Variants in SI observed in about 807,000 individuals in gnomAD.
The protein encoded by SI is sucrase-isomaltase, intestinal.
Under a neutral mutation model 253.3 loss-of-function variants are expected in SI, and 235 were observed. That is an observed-to-expected ratio of 0.93 (90% confidence interval 0.83 to 1.03). The LOEUF (loss-of-function observed/expected upper bound fraction) is 1.03. Ranked by LOEUF, SI falls within the 50% of genes least tolerant of loss-of-function variation. The pLI, the probability that SI is intolerant of heterozygous loss-of-function variation, is 0.00. For missense variants in SI, 2,442 were observed against 2,211.1 expected, an observed-to-expected ratio of 1.10 and a Z score of -2.09; for synonymous variants, 819 against 712.0, an observed-to-expected ratio of 1.15 and a Z score of -2.39.
chr3:165,013,947 G>A (rs145035099), intron 33 of SI, among the ~76,000 whole-genome samples: 26 of 151,932 alleles, frequency 1.7e-4, no homozygotes, highest in Admixed American at 3.9e-4. Context: ...GGTTGATCTC[G>A]AACTCCTGGG....
intron 9 of SI, 48 bp from the exon 10 acceptor site, chr3:165,060,075 T>G: frequency 6.5e-7 from 1 of 1,536,586 alleles, no homozygotes; most frequent in South Asian, 1.1e-5. Context: ...ATAAATATAT[T>G]TAGCATTAAT....
intron 37 of SI, among the ~76,000 whole-genome samples, chr3:165,000,881 A>G (rs1053509220): frequency 6.6e-6 from 1 of 151,326 alleles, no homozygotes; most frequent in Non-Finnish European, 1.5e-5. Context: ...AGAAAGAGAT[A>G]TTTTTGTTGT....
rs1717061535 is a variant in SI at position 164,979,227 on chromosome 3, C to G, written c.*135G>C. The stretch of plus-strand genomic sequence containing the variant: ...TTAGCATTATCATTGATGTACGCTA[C>G]AAAATAACTTTTCGATGTTATGAAA... On this transcript the variant is annotated 3_prime_UTR_variant, in exon 48 of 48. Coordinates refer to ENST00000264382, the MANE Select transcript of SI (RefSeq NM_001041.4). 4 of 701,338 alleles carry G rather than the reference C, an allele frequency of 5.7e-6. No individual in the cohort carries two copies. The highest frequency in any genetic ancestry group is 5.1e-5 in the East Asian group (2 of 38,916). The allele number at this position is 701,338 out of a possible 1,614,324, so 43.4% of individuals were successfully genotyped here. A position where few individuals can be genotyped will look rare whatever the true frequency, so the allele number is the denominator to read the frequency against.
chr3:165,068,638 G>C, intron 5 of SI, 84 bp downstream of exon 5: 2 of 940,178 alleles, frequency 2.1e-6, no homozygotes, highest in Non-Finnish European at 3.5e-6. Context: ...TTCCCAAAGT[G>C]CTGGTATTAC....
chr3:165,022,650 C>T (rs192159978), intron 26 of SI, among the ~76,000 whole-genome samples: 127 of 151,038 alleles, frequency 8.4e-4, no homozygotes, highest in African/African-American at 2.9e-3. Flanking sequence ...TGTGCCGTCT[C>T]GTTTCAATAA....
At chr3:165,081,291 G>A (rs9756306), upstream of SI, among the ~76,000 whole-genome samples, 47,029 of 151,734 alleles carry the variant, frequency 0.31, 7,476 homozygotes, top group Middle Eastern at 0.36. Context: ...TAAGCAAAAT[G>A]ATCCCCAAAT....
At chr3:165,011,491 T>A (rs973672652) in intron 34 of SI, among the ~76,000 whole-genome samples, 3 of 152,092 alleles carry the variant, frequency 2.0e-5, no homozygotes, top group African/African-American at 7.2e-5. Context: ...TTCTATCTTC[T>A]CACAATTTTT....
chr3:165,085,488 T>G, the SI span, among the ~76,000 whole-genome samples: 1 of 152,134 alleles, frequency 6.6e-6, no homozygotes, highest in South Asian at 2.1e-4. Flanking sequence ...CTTATTTAAC[T>G]CAAATGTTTT....
chr3:165,063,511 A>C lies in SI; in HGVS notation c.838T>G (p.Phe280Val). 1 of 1,551,192 alleles carries C rather than the reference A, an allele frequency of 6.4e-7. No homozygotes were observed. The highest frequency in any genetic ancestry group is 8.8e-7 in the Non-Finnish European group (1 of 1,130,206). The change falls in exon 8 of 48, where the codon TTC becomes GTC. Residue 280 changes from phenylalanine to valine, a missense_variant. Physicochemically the swap from Phe to Val is conservative, Grantham distance 50. Transcript: ENST00000264382. ...NNNNLYGHQT[F>V]FMCIEDTSGK... ...GATGTATCTTCAATACACATAAAGAATGTTTGATGGCCGTATAAATTATTA... is the reference window on the plus strand; with the variant it reads ...GATGTATCTTCAATACACATAAAGACTGTTTGATGGCCGTATAAATTATTA...
chr3:165,003,704 G>C (rs1447879510), intron 37 of SI, among the ~76,000 whole-genome samples: 3 of 151,984 alleles, frequency 2.0e-5, no homozygotes, highest in Admixed American at 6.6e-5. Flanking sequence ...GAACTGCCTG[G>C]AAAGTTTTAA....
Position 164,987,305 on chromosome 3 carries a change from G to T in SI, c.5109-79C>A. On this transcript the variant is annotated intron_variant, in intron 44 of 47. Transcript: ENST00000264382. ...AGTTATGATATGACATCCACATAAG[G>T]ATCTATAGGAACCCAAGCATTAAGG... is the stretch of plus-strand genomic sequence containing the variant. The T allele has an allele frequency of 6.9e-6, 8 of 1,153,740 alleles. 1 individual carries two copies. The South Asian group carries it at 8.7e-5, about 13-fold the overall frequency. The allele number at this position is 1,153,740 out of a possible 1,614,324, so 71.5% of individuals were successfully genotyped here.
At chr3:165,051,429 T>C (rs949060290) in intron 13 of SI, among the ~76,000 whole-genome samples, 2 of 152,038 alleles carry the variant, frequency 1.3e-5, no homozygotes, top group African/African-American at 2.4e-5. Flanking sequence ...TAAAGCTACA[T>C]TGAGTTATTT....
chr3:165,009,388 C>T lies in SI; in HGVS notation c.4070G>A (p.Arg1357Lys). Residue 1357 changes from arginine (R) to lysine (K), a missense_variant, in exon 35 of 48, where the codon AGA (arginine) becomes AAA (lysine). Transcript: ENST00000264382. ...GAAATCTGGGAAAGCTACATGAGCT[C>T]TGGAAGCCTGTAAAACCAAAATTTA... is the stretch of plus-strand genomic sequence containing the variant. ...LTEDEAVNAS[R>K]AHVAFPDFFR... 6.2e-7 allele frequency: 1 copy of T among 1,611,946 alleles called. No homozygotes were observed. Among genetic ancestry groups the T allele is most frequent in the Non-Finnish European group, 8.5e-7 (1 of 1,178,232 alleles).
At chr3:165,010,412 C>T (rs544537534) in intron 34 of SI, among the ~76,000 whole-genome samples, 13 of 152,126 alleles carry the variant, frequency 8.5e-5, no homozygotes, top group East Asian at 3.9e-4. Context: ...CCACACGCCT[C>T]GGCCTCCCAA....
chr3:165,033,380 A>T lies in SI; in HGVS notation c.2565+15T>A. 6.4e-7 allele frequency: 1 copy of T among 1,556,946 alleles called. No individual in the cohort carries two copies. The highest frequency in any genetic ancestry group is 8.7e-7 in the Non-Finnish European group (1 of 1,148,210). On this transcript the variant is annotated intron_variant, in intron 23 of 47. Coordinates refer to ENST00000264382, the MANE Select transcript of SI (RefSeq NM_001041.4). ...AAATTATGCATTTAAGTATATGTACAAAGAGAGTGCTTACATTAGAAACTG... is the reference window on the plus strand; with the variant it reads ...AAATTATGCATTTAAGTATATGTACTAAGAGAGTGCTTACATTAGAAACTG...
intron 40 of SI, among the ~76,000 whole-genome samples, chr3:164,996,310 T>G (rs1395442323): frequency 2.0e-5 from 3 of 151,740 alleles, no homozygotes; most frequent in Middle Eastern, 3.2e-3. Context: ...ATCATGAAAT[T>G]TAGTGCTTAT....
At chr3:165,010,536 G>A (rs1273863596) in intron 34 of SI, among the ~76,000 whole-genome samples, 2 of 152,144 alleles carry the variant, frequency 1.3e-5, no homozygotes, top group African/African-American at 4.8e-5. Context: ...TACTCATAAG[G>A]ATAGAAGGCT....
chr3:164,990,315 A>G (rs1267556538), intron 44 of SI, among the ~76,000 whole-genome samples: 1 of 152,148 alleles, frequency 6.6e-6, no homozygotes, highest in African/African-American at 2.4e-5. Flanking sequence ...CACATGTCAG[A>G]AACAGAAAAG....
At position 165,009,405 on chromosome 3, in the gene SI, C is replaced by G. The variant is rs368138240; in HGVS notation, c.4063-10G>C. On this transcript the variant is annotated splice_polypyrimidine_tract_variant and intron_variant, in intron 34 of 47. Coordinates refer to ENST00000264382, the MANE Select transcript of SI (RefSeq NM_001041.4). Reference sequence around the variant, plus strand: ...CATGAGCTCTGGAAGCCTGTAAAACCAAAATTTAGGCTCACATGTGGAAAG... The same window carrying G: ...CATGAGCTCTGGAAGCCTGTAAAACGAAAATTTAGGCTCACATGTGGAAAG... 1.3e-5 allele frequency: 20 copies of G among 1,503,622 alleles called. No individual in the cohort carries two copies. Among genetic ancestry groups the G allele is most frequent in the Non-Finnish European group, 1.9e-5 (20 of 1,079,518 alleles). 93.1% of individuals were successfully genotyped at this position (1,503,622 alleles called of 1,614,324 possible).
Sources: allele counts gnomAD v4.1 joint callset (sites outside exome capture counted in the v4.1 genomes callset), GRCh38; gene constraint gnomAD v4.1.1; transcripts MANE v1.5; gene names NCBI Gene and HGNC (gene_info 2026-07-23, HGNC 2026-07-21).